Variants in AGPAT3 observed in about 807,000 individuals in gnomAD.
AGPAT3 encodes the protein 1-acylglycerol-3-phosphate O-acyltransferase 3.
AGPAT3 carries 5 observed loss-of-function variants against 47.3 expected under a neutral mutation model. The observed-to-expected ratio is 0.11, with a 90% confidence interval of 0.06 to 0.22. The LOEUF is 0.22. AGPAT3 is among the 10% of genes least tolerant of loss of function. AGPAT3 has a pLI of 1.00. For missense variants in AGPAT3, 315 were observed against 493.0 expected, an observed-to-expected ratio of 0.64 and a Z score of 3.42; for synonymous variants, 212 against 208.3, an observed-to-expected ratio of 1.02 and a Z score of -0.15.
intron 1 of AGPAT3, among the ~76,000 whole-genome samples, chr21:43,878,242 C>T (rs2085777378): frequency 6.6e-6 from 1 of 152,230 alleles, no homozygotes; most frequent in African/African-American, 2.4e-5. Context: ...CACACTTTCT[C>T]CTTTTGCCTG....
intron 1 of AGPAT3, among the ~76,000 whole-genome samples, chr21:43,885,391 C>CTTTTTTT (rs113393341): frequency 5.7e-5 from 8 of 139,770 alleles, no homozygotes; most frequent in Non-Finnish European, 7.8e-5. Flanking sequence ...TTTCTTTTTT[C>CTTTTTTT]TTTTTTTTTT....
chr21:43,980,932 G>T, intron 8 of AGPAT3, 57 bp from the exon 9 acceptor site: 9 of 1,401,756 alleles, frequency 6.4e-6, no homozygotes, highest in Non-Finnish European at 9.0e-6. Context: ...CTCCTGCATT[G>T]AAATAATAGC....
intron 2 of AGPAT3, among the ~76,000 whole-genome samples, chr21:43,945,101 A>G (rs2087827145): frequency 6.6e-6 from 1 of 152,242 alleles, no homozygotes; most frequent in South Asian, 2.1e-4. Context: ...AACAGCACCT[A>G]TGACAAGGTG....
intron 2 of AGPAT3, among the ~76,000 whole-genome samples, chr21:43,936,987 G>A (rs1255041329): frequency 6.6e-6 from 1 of 152,236 alleles, no homozygotes; most frequent in Non-Finnish European, 1.5e-5. Flanking sequence ...GTTCCCCCAA[G>A]TATTTTTCTC....
intron 2 of AGPAT3, among the ~76,000 whole-genome samples, chr21:43,918,642 A>C (rs552046111): frequency 2.0e-5 from 3 of 148,296 alleles, no homozygotes; most frequent in Non-Finnish European, 4.4e-5. Flanking sequence ...GCTGAAGTGC[A>C]GTGGTACGAT....
intron 2 of AGPAT3, among the ~76,000 whole-genome samples, chr21:43,914,086 C>T (rs1223586096): frequency 6.6e-6 from 1 of 152,246 alleles, no homozygotes; most frequent in African/African-American, 2.4e-5. Flanking sequence ...GCTGACGTCT[C>T]TCTGCCTCTG....
intron 2 of AGPAT3, among the ~76,000 whole-genome samples, chr21:43,914,187 C>A (rs1460864184): frequency 6.6e-6 from 1 of 152,080 alleles, no homozygotes; most frequent in Non-Finnish European, 1.5e-5. Context: ...GCTGTTGGAA[C>A]CCCCCTGCCT....
chr21:43,906,876 G>C (rs908124038), intron 2 of AGPAT3, among the ~76,000 whole-genome samples: 8 of 152,250 alleles, frequency 5.3e-5, no homozygotes, highest in African/African-American at 1.9e-4. Context: ...GGTGGAAGAA[G>C]CGCAGTGGGT....
intron 2 of AGPAT3, among the ~76,000 whole-genome samples, chr21:43,926,629 C>G (rs982720957): frequency 7.6e-6 from 1 of 131,562 alleles, no homozygotes; most frequent in African/African-American, 2.9e-5. Flanking sequence ...CCGTGAGCTA[C>G]GCTGGCCTTT....
At chr21:43,924,015 TGTTTTTTTTG>T (rs1402572663) in intron 2 of AGPAT3, among the ~76,000 whole-genome samples, 1 of 151,820 alleles carries the variant, frequency 6.6e-6, no homozygotes. Flanking sequence ...AAATGTAAGG[TGTTTTTTTTG>T]GTTTTTTTTG....
chr21:43,968,397 G>T (rs1197119677), intron 4 of AGPAT3, among the ~76,000 whole-genome samples: 1 of 151,440 alleles, frequency 6.6e-6, no homozygotes, highest in Non-Finnish European at 1.5e-5. Flanking sequence ...GGGTCCTGGG[G>T]AGGATCTGGG....
At chr21:43,945,338 A>G (rs751362780) in intron 2 of AGPAT3, among the ~76,000 whole-genome samples, 1 of 152,224 alleles carries the variant, frequency 6.6e-6, no homozygotes, top group Non-Finnish European at 1.5e-5. Flanking sequence ...TTGTCACCCT[A>G]AAGAAAATTC....
At chr21:43,909,667 G>A (rs968698386) in intron 2 of AGPAT3, among the ~76,000 whole-genome samples, 2 of 152,132 alleles carry the variant, frequency 1.3e-5, no homozygotes, top group Admixed American at 6.5e-5. Context: ...GTATCCCGAC[G>A]GTGCTGTTCC....
At chr21:43,869,726 C>T (rs781247138) in intron 1 of AGPAT3, among the ~76,000 whole-genome samples, 2 of 152,202 alleles carry the variant, frequency 1.3e-5, no homozygotes, top group African/African-American at 2.4e-5. Flanking sequence ...CGTGAGTACC[C>T]GCTTTGGTCA....
intron 2 of AGPAT3, among the ~76,000 whole-genome samples, chr21:43,935,629 G>A (rs2087419872): frequency 6.6e-6 from 1 of 152,222 alleles, no homozygotes; most frequent in African/African-American, 2.4e-5. Flanking sequence ...GGGGCATTCT[G>A]GGGCCTCAGG....
chr21:43,880,049 G>T lies in AGPAT3; in HGVS notation c.-112+14704G>T, dbSNP rs2085823104. Among the ~76,000 whole-genome samples, 1 of 152,256 alleles carries T rather than the reference G, an allele frequency of 6.6e-6. No individual in the cohort carries two copies. The highest frequency in any genetic ancestry group is 1.5e-5 in the Non-Finnish European group (1 of 68,042). ...CAGGGCAGCATGACTCCGGGGCGGA[G>T]GACGCAGCCCTGCATCCCTTGCGTC... On this transcript the variant is annotated intron_variant, in intron 1 of 9. Transcript: ENST00000291572. This position sits in a 1 kb window ranked among gnomAD's most constrained non-coding sequence, Gnocchi z 4.5.
chr21:43,968,990 C>A, intron 4 of AGPAT3, 128 bp from the exon 5 acceptor site: 2 of 973,102 alleles, frequency 2.1e-6, no homozygotes, highest in Non-Finnish European at 3.0e-6. Context: ...CAGCAGACCC[C>A]CTGAGCCACA....
chr21:43,865,777 G>T (rs1205917486), intron 1 of AGPAT3, among the ~76,000 whole-genome samples: 1 of 151,894 alleles, frequency 6.6e-6, no homozygotes, highest in Non-Finnish European at 1.5e-5. Flanking sequence ...GGCCCCGCTC[G>T]GCTCCCCCGT....
At chr21:43,946,737 A>T (rs958960946) in intron 2 of AGPAT3, among the ~76,000 whole-genome samples, 1 of 152,228 alleles carries the variant, frequency 6.6e-6, no homozygotes, top group African/African-American at 2.4e-5. Context: ...TGTCTAGGTC[A>T]ACTTAGCTGT....
Sources: allele counts gnomAD v4.1 joint callset (sites outside exome capture counted in the v4.1 genomes callset), GRCh38; gene constraint gnomAD v4.1.1; non-coding constraint Gnocchi (gnomAD v3.1); transcripts MANE v1.5; gene names NCBI Gene and HGNC (gene_info 2026-07-23, HGNC 2026-07-21).